Variants in SLC25A51 observed in about 807,000 individuals in gnomAD.
SLC25A51 encodes the protein solute carrier family 25 member 51.
A neutral mutation model predicts 19.1 loss-of-function variants in SLC25A51; 11 were observed. The observed-to-expected ratio is 0.58, with a 90% CI of 0.36 to 0.96. The LOEUF is 0.96. SLC25A51 is among the 40% of genes least tolerant of loss of function. SLC25A51 has a pLI of 0.01. For missense variants in SLC25A51, 201 were observed against 365.4 expected (o/e 0.55, Z 3.67); for synonymous variants, 105 against 133.6 (o/e 0.79, Z 1.47).
At chr9:37,878,234 G>A (rs191201767), downstream of SLC25A51, 312 of 173,388 alleles carry the variant, frequency 1.8e-3, 2 homozygotes, top group African/African-American at 7.1e-3. Context: ...ATTACAGCAG[G>A]AAATGCAGTC....
Position 37,899,300 on chromosome 9 carries a change from ATTCT to A in SLC25A51, c.-43+525_-43+528del, listed in dbSNP as rs1447335163. ...AAATGCTACTTGGCCGTGGTGAAAT[ATTCT>A]TTCATCATACTGCTAACTTCCATTT... On this transcript the variant is annotated intron_variant, in intron 2 of 2. Transcript: ENST00000242275. Among the ~76,000 whole-genome samples the A allele has an allele frequency of 2.0e-5, 3 of 152,316 alleles. No individual in the cohort carries two copies. In the East Asian group the frequency reaches 5.8e-4, roughly 29 times the overall value.
At chr9:37,887,143 C>T (rs1302032797), downstream of SLC25A51, among the ~76,000 whole-genome samples, 3 of 152,010 alleles carry the variant, frequency 2.0e-5, no homozygotes, top group South Asian at 2.1e-4. Flanking sequence ...GGTGAAACCC[C>T]GTCTCTACTA....
At chr9:37,900,233 G>A (rs1831817334) in intron 1 of SLC25A51, among the ~76,000 whole-genome samples, 1 of 151,754 alleles carries the variant, frequency 6.6e-6, no homozygotes, top group African/African-American at 2.4e-5. Flanking sequence ...AATCATGAAT[G>A]AGGTCAGGAA....
intron 2 of SLC25A51, among the ~76,000 whole-genome samples, chr9:37,893,382 C>T (rs1318754746): frequency 6.6e-6 from 1 of 152,148 alleles, no homozygotes; most frequent in Non-Finnish European, 1.5e-5. Flanking sequence ...ACTCTTTTTA[C>T]CTAAGAGCAA....
intron 2 of SLC25A51, among the ~76,000 whole-genome samples, chr9:37,882,150 T>C (rs376055815): frequency 2.6e-5 from 4 of 152,288 alleles, no homozygotes; most frequent in African/African-American, 9.6e-5. Context: ...ATCCTCAAAT[T>C]TCAAGAGAAT....
At chr9:37,896,297 C>A (rs1442929679) in intron 2 of SLC25A51, among the ~76,000 whole-genome samples, 1 of 151,876 alleles carries the variant, frequency 6.6e-6, no homozygotes, top group Non-Finnish European at 1.5e-5. Flanking sequence ...CCTGGTATTT[C>A]TTCTCTAGTA....
intron 2 of SLC25A51, among the ~76,000 whole-genome samples, chr9:37,895,487 C>T (rs564716942): frequency 6.6e-6 from 1 of 151,964 alleles, no homozygotes; most frequent in African/African-American, 2.4e-5. Flanking sequence ...AGGAGTGAGC[C>T]ACCTTGCCTG....
At chr9:37,895,365 CTT>C (rs1039284688) in intron 2 of SLC25A51, among the ~76,000 whole-genome samples, 16 of 138,170 alleles carry the variant, frequency 1.2e-4, no homozygotes, top group Admixed American at 7.3e-5. Context: ...CCACATTCGG[CTT>C]TTTTTTTTTT....
chr9:37,886,447 A>T, downstream of SLC25A51: 1 of 1,511,894 alleles, frequency 6.6e-7, no homozygotes, highest in Middle Eastern at 1.8e-4. Flanking sequence ...TTCCATAACC[A>T]CAAGCCTGAG....
chr9:37,886,197 C>G (rs1831453211), downstream of SLC25A51: 1 of 1,538,478 alleles, frequency 6.5e-7, no homozygotes, highest in Admixed American at 1.7e-5. Context: ...ATGCGGCAGC[C>G]ACAGACTGAC....
intron 2 of SLC25A51, among the ~76,000 whole-genome samples, chr9:37,897,297 C>A (rs1318933587): frequency 6.6e-6 from 1 of 151,950 alleles, no homozygotes; most frequent in Non-Finnish European, 1.5e-5. Flanking sequence ...TCAAGTGATC[C>A]TCCTGCCTCA....
intron 2 of SLC25A51, among the ~76,000 whole-genome samples, chr9:37,896,561 C>T (rs1030282694): frequency 2.0e-5 from 3 of 152,106 alleles, no homozygotes; most frequent in African/African-American, 7.2e-5. Context: ...TTTGGGAGGC[C>T]GAGGTGGGTG....
chr9:37,894,317 CTTTT>C (rs1035674745), intron 2 of SLC25A51, among the ~76,000 whole-genome samples: 1 of 148,604 alleles, frequency 6.7e-6, no homozygotes, highest in East Asian at 1.9e-4. Context: ...CCCCACTCAC[CTTTT>C]TTTTTAACTT....
At chr9:37,880,907 T>C (rs1416274865) in intron 3 of SLC25A51, among the ~76,000 whole-genome samples, 1 of 152,180 alleles carries the variant, frequency 6.6e-6, no homozygotes, top group Non-Finnish European at 1.5e-5. Flanking sequence ...GTGGCTGCTA[T>C]GGGTGGGTTA....
At chr9:37,896,065 C>T (rs1472750345) in intron 2 of SLC25A51, among the ~76,000 whole-genome samples, 2 of 152,124 alleles carry the variant, frequency 1.3e-5, no homozygotes, top group Non-Finnish European at 2.9e-5. Flanking sequence ...CTGCCTGCCT[C>T]GGCTTCCCAA....
At chr9:37,886,412 T>G (rs914473993), downstream of SLC25A51, 1 of 1,564,054 alleles carries the variant, frequency 6.4e-7, no homozygotes, top group South Asian at 1.2e-5. Context: ...TGGCAGTGCT[T>G]CCTCTCCTGT....
At chr9:37,878,203 G>C (rs535047456), downstream of SLC25A51, 2 of 171,482 alleles carry the variant, frequency 1.2e-5, no homozygotes, top group Admixed American at 1.3e-4. Flanking sequence ...GCCAGGAAAA[G>C]TCCTGCAATC....
intron 2 of SLC25A51, among the ~76,000 whole-genome samples, chr9:37,882,002 A>C (rs1011071804): frequency 2.6e-5 from 4 of 152,360 alleles, no homozygotes; most frequent in Admixed American, 2.6e-4. Flanking sequence ...CAAACTATCA[A>C]ACAAAAATAG....
chr9:37,887,605 T>C lies in SLC25A51; in HGVS notation c.*52A>G. 3 of 1,529,942 alleles carry C rather than the reference T, an allele frequency of 2.0e-6. No homozygotes were observed. Among genetic ancestry groups the C allele is most frequent in the South Asian group, 2.6e-5 (2 of 77,262 alleles). The allele number at this position is 1,529,942 out of a possible 1,614,324, so 94.8% of individuals were successfully genotyped here. A position where few individuals can be genotyped will look rare whatever the true frequency, so the allele number is the denominator to read the frequency against. On this transcript the variant is annotated 3_prime_UTR_variant, in exon 3 of 3. Transcript: ENST00000242275. ...AAAAAAAAAAGAGGCCAAACTGCAT[T>C]CTTCTTAGAAGGTCTATTCAGTTGA...
Sources: gnomAD v4.1 joint callset for allele counts (sites outside exome capture counted in the v4.1 genomes callset) on GRCh38, gnomAD v4.1.1 for gene constraint, MANE v1.5 for transcripts, NCBI Gene and HGNC (gene_info 2026-07-23, HGNC 2026-07-21) for gene names.